SH3PXD2A: variants seen among roughly 807,000 people sequenced by gnomAD.
SH3PXD2A encodes SH3 and PX domains 2A.
SH3PXD2A carries 32 observed loss-of-function variants against 115.2 expected under a neutral mutation model. That is an observed-to-expected ratio of 0.28 (90% CI 0.21 to 0.37). The LOEUF (loss-of-function observed/expected upper bound fraction) is 0.37. Among genes scored for constraint, SH3PXD2A ranks in the 10% least tolerant of loss-of-function variants. The pLI is 1.00. For missense variants in SH3PXD2A, 1,328 were observed against 1,498.7 expected (o/e 0.89, Z 1.88); for synonymous variants, 610 against 629.1 (o/e 0.97, Z 0.45).
intron 5 of SH3PXD2A, among the ~76,000 whole-genome samples, chr10:103,712,831 C>T (rs2038061650): frequency 6.6e-6 from 1 of 152,240 alleles, no homozygotes; most frequent in Non-Finnish European, 1.5e-5. Flanking sequence ...AGGTGCTTCT[C>T]ACTTCATCCT....
At chr10:103,828,160 T>A (rs1016424688) in intron 1 of SH3PXD2A, among the ~76,000 whole-genome samples, 4 of 152,146 alleles carry the variant, frequency 2.6e-5, no homozygotes, top group Non-Finnish European at 4.4e-5. Context: ...GGATGATGGG[T>A]AGGTAGCCAG....
chr10:103,696,709 G>A (rs2037829292), intron 5 of SH3PXD2A, among the ~76,000 whole-genome samples: 3 of 152,158 alleles, frequency 2.0e-5, no homozygotes, highest in Admixed American at 1.3e-4. Context: ...TCCCTCTAGC[G>A]TTGCCAGAGG....
chr10:103,675,849 C>T (rs1421955033), intron 6 of SH3PXD2A, among the ~76,000 whole-genome samples: 1 of 152,112 alleles, frequency 6.6e-6, no homozygotes, highest in Non-Finnish European at 1.5e-5. Flanking sequence ...TCGAGACCAG[C>T]CTGTCCAACA....
At chr10:103,680,849 C>T (rs2037599088) in intron 6 of SH3PXD2A, among the ~76,000 whole-genome samples, 1 of 152,104 alleles carries the variant, frequency 6.6e-6, no homozygotes, top group African/African-American at 2.4e-5. Context: ...CTAAAAATGC[C>T]ACGTGCCGAC....
At chr10:103,852,985 C>T (rs1564904909) in intron 1 of SH3PXD2A, among the ~76,000 whole-genome samples, 1 of 152,180 alleles carries the variant, frequency 6.6e-6, no homozygotes, top group Non-Finnish European at 1.5e-5. Flanking sequence ...CCAGATGAGT[C>T]TTCGGGTCTC....
At position 103,612,987 on chromosome 10, in the gene SH3PXD2A, T is replaced by C; in HGVS notation, c.1124A>G (p.Lys375Arg). 6.2e-7 allele frequency: 1 copy of C among 1,614,264 alleles called. No homozygotes were observed. Reference sequence around the variant, plus strand: ...GAGGATGGGCAGGCTGATCTCCTTCTTGGCAATGGGGGCCTCATGGCCCTC... The same window carrying C: ...GAGGATGGGCAGGCTGATCTCCTTCCTGGCAATGGGGGCCTCATGGCCCTC... The part of the protein sequence containing the change: ...EGEGHEAPIA[K>R]KEISLPILCN... The change falls in exon 12 of 15, where the codon AAG becomes AGG. Residue 375 changes from lysine (K) to arginine (R), a missense_variant. Lys to Arg is a conservative substitution (Grantham distance 26). Transcript: ENST00000369774.
At chr10:103,837,792 C>A (rs1319778070) in intron 1 of SH3PXD2A, among the ~76,000 whole-genome samples, 1 of 152,192 alleles carries the variant, frequency 6.6e-6, no homozygotes, top group East Asian at 1.9e-4. Flanking sequence ...GCTCTGCAAA[C>A]TAGGACACAC....
chr10:103,682,705 C>T (rs1022782867), intron 6 of SH3PXD2A, among the ~76,000 whole-genome samples: 1 of 151,414 alleles, frequency 6.6e-6, no homozygotes, highest in South Asian at 2.1e-4. Flanking sequence ...TGCAGTGAGC[C>T]GAGATCGTGC....
chr10:103,670,425 C>G (rs900999262), intron 6 of SH3PXD2A, among the ~76,000 whole-genome samples: 5 of 152,276 alleles, frequency 3.3e-5, no homozygotes, highest in Admixed American at 3.3e-4. Flanking sequence ...ATAGTCAGTG[C>G]TTGATAATGG....
Position 103,602,702 on chromosome 10 carries a change from T to C in SH3PXD2A, c.2516A>G (p.Glu839Gly). The C allele has an allele frequency of 6.2e-7, 1 of 1,614,116 alleles. No homozygotes were observed. The highest frequency in any genetic ancestry group is 2.2e-5 in the East Asian group (1 of 44,866). ...TPPCPTKKEW[E>G]GPATSYMTCS... ...TGTCATGTACGAGGTGGCTGGCCCT[T>C]CCCATTCCTTCTTGGTGGGACATGG... Residue 839 changes from glutamate (E) to glycine (G), a missense_variant, in exon 15 of 15, where the codon GAA (glutamate) becomes GGA (glycine). Transcript: ENST00000369774.
chr10:103,767,760 G>T (rs972470992), intron 2 of SH3PXD2A, among the ~76,000 whole-genome samples: 1 of 150,362 alleles, frequency 6.7e-6, no homozygotes, highest in Admixed American at 6.6e-5. Context: ...GTTTTTCCAA[G>T]GACGGACCCA....
At position 103,851,665 on chromosome 10, in the gene SH3PXD2A, C is replaced by T. The variant is rs1366859706; in HGVS notation, c.72+3530G>A. Among the ~76,000 whole-genome samples the T allele has an allele frequency of 2.0e-5, 3 of 152,196 alleles. No homozygotes were observed. In the East Asian group the frequency reaches 5.8e-4, roughly 29 times the overall value. The stretch of plus-strand genomic sequence containing the variant: ...TAAAACAGAATCCAAAAACCTACCC[C>T]ACATTAGGGTACATTCAATGACCTG... On this transcript the variant is annotated intron_variant, in intron 1 of 14. Coordinates refer to ENST00000369774, the MANE Select transcript of SH3PXD2A (RefSeq NM_001394015.1).
At chr10:103,736,713 T>C in intron 3 of SH3PXD2A, 2 of 1,212,140 alleles carry the variant, frequency 1.6e-6, no homozygotes, top group Non-Finnish European at 1.1e-6. Flanking sequence ...TGCCACATTC[T>C]GCTGTGAGTT....
At chr10:103,707,687 G>A (rs1488782578) in intron 5 of SH3PXD2A, among the ~76,000 whole-genome samples, 2 of 151,880 alleles carry the variant, frequency 1.3e-5, no homozygotes, top group Admixed American at 1.3e-4. Context: ...GTTAATCCTT[G>A]TAGCCACCCA....
intron 8 of SH3PXD2A, among the ~76,000 whole-genome samples, chr10:103,636,022 C>A: frequency 6.6e-6 from 1 of 152,220 alleles, no homozygotes; most frequent in East Asian, 1.9e-4. Context: ...GGCTAAGCAT[C>A]TTCAGTGAAC....
chr10:103,816,997 A>ATTTTTTTTTTTTTT (rs56260224), intron 1 of SH3PXD2A, among the ~76,000 whole-genome samples: 2 of 99,606 alleles, frequency 2.0e-5, no homozygotes. Context: ...CACCCGGCTA[A>ATTTTTTTTTTTTTT]TTTTTTTTTT....
chr10:103,604,171 C>T (rs1437335005), intron 14 of SH3PXD2A, among the ~76,000 whole-genome samples: 1 of 152,232 alleles, frequency 6.6e-6, no homozygotes, highest in Non-Finnish European at 1.5e-5. Context: ...CCCTTCCCTC[C>T]TCGTACCCTC....
chr10:103,669,754 T>C (rs1438572194), intron 6 of SH3PXD2A, among the ~76,000 whole-genome samples: 6 of 152,208 alleles, frequency 3.9e-5, no homozygotes, highest in Non-Finnish European at 4.4e-5. Flanking sequence ...CAACGCTGAA[T>C]TGCAGGTCTG....
At position 103,617,619 on chromosome 10, in the gene SH3PXD2A, G is replaced by A. The variant is rs528193443; in HGVS notation, c.803-305C>T. Among the ~76,000 whole-genome samples, 13 of 152,324 alleles carry A rather than the reference G, an allele frequency of 8.5e-5. 1 individual carries two copies. In the East Asian group the frequency reaches 2.3e-3, roughly 27 times the overall value. ...GCCTGATAATGGCGGCCAGGCTGCC[G>A]GGACCTTGGAGTCCACAGGGCTCAG... On this transcript the variant is annotated intron_variant, in intron 10 of 14. Transcript: ENST00000369774.
Sources: gnomAD v4.1 joint callset for allele counts (sites outside exome capture counted in the v4.1 genomes callset) on GRCh38, gnomAD v4.1.1 for gene constraint, MANE v1.5 for transcripts, NCBI Gene and HGNC (gene_info 2026-07-23, HGNC 2026-07-21) for gene names.